The following SYN2 variants were observed in gnomAD, a reference collection of about 807,000 sequenced individuals.
The protein encoded by SYN2 is synapsin-2.
A neutral mutation model predicts 50.9 loss-of-function variants in SYN2; 19 were observed. The ratio of observed to expected loss-of-function variants is 0.37; its 90% CI spans 0.26 to 0.55. The LOEUF (loss-of-function observed/expected upper bound fraction) is 0.55, where lower values mean the gene tolerates loss of function less well. Among genes scored for constraint, SYN2 ranks in the 20% least tolerant of loss-of-function variants. SYN2 has a pLI of 0.81. For synonymous variants in SYN2, 255 were observed against 224.9 expected, an observed-to-expected ratio of 1.13 and a Z score of -1.20; for missense variants, 587 against 576.4, an observed-to-expected ratio of 1.02 and a Z score of -0.19.
At chr3:12,159,474 G>A (rs1697578909) in intron 5 of SYN2, 1 of 152,404 alleles carries the variant, frequency 6.6e-6, no homozygotes, top group Non-Finnish European at 1.5e-5. Context: ...AGAGAAAGTT[G>A]GGGTGTGTGT....
Position 12,190,635 on chromosome 3 carries a change from C to G in SYN2, c.*10C>G. On this transcript the variant is annotated 3_prime_UTR_variant, in exon 13 of 13. Transcript: ENST00000621198. ...CCTCTTTTCAGATTAGCTCTTCAGA[C>G]ACACGGGGCACCCAGCCCAACCGGG... 9 of 1,608,868 alleles carry G rather than the reference C, an allele frequency of 5.6e-6. No individual in the cohort carries two copies. The highest frequency in any genetic ancestry group is 6.8e-6 in the Non-Finnish European group (8 of 1,177,898).
chr3:12,107,093 A>G (rs1696208895), intron 1 of SYN2, among the ~76,000 whole-genome samples: 1 of 152,006 alleles, frequency 6.6e-6, no homozygotes, highest in African/African-American at 2.4e-5. Context: ...CTGTGCTGCT[A>G]TTTCCTATAC....
At chr3:12,116,997 TG>T (rs1463055634) in intron 1 of SYN2, among the ~76,000 whole-genome samples, 7 of 152,266 alleles carry the variant, frequency 4.6e-5, no homozygotes, top group Admixed American at 4.6e-4. Context: ...GCAATCTTCC[TG>T]CCTTAGCCTT....
At chr3:12,023,274 A>AT (rs1327051228) in intron 1 of SYN2, among the ~76,000 whole-genome samples, 1 of 151,948 alleles carries the variant, frequency 6.6e-6, no homozygotes, top group Non-Finnish European at 1.5e-5. Flanking sequence ...TCTTTTTATT[A>AT]TTTTTTCAGG....
At chr3:12,146,330 C>G (rs1204155548) in intron 4 of SYN2, among the ~76,000 whole-genome samples, 2 of 152,186 alleles carry the variant, frequency 1.3e-5, no homozygotes, top group African/African-American at 4.8e-5. Context: ...TGAAATTTAT[C>G]CTCATGCATG....
intron 1 of SYN2, among the ~76,000 whole-genome samples, chr3:12,114,537 CTA>C (rs35814004): frequency 0.049 from 7,514 of 152,052 alleles, 204 homozygotes; most frequent in Non-Finnish European, 0.066. Context: ...AGATTTATCT[CTA>C]TGTTTTCTTC....
intron 1 of SYN2, among the ~76,000 whole-genome samples, chr3:12,007,548 G>T (rs1160142501): frequency 6.6e-6 from 1 of 152,152 alleles, no homozygotes; most frequent in Non-Finnish European, 1.5e-5. Flanking sequence ...TTGTCTCACA[G>T]TTTAAGCTAC....
At chr3:12,041,592 G>C (rs559706643) in intron 1 of SYN2, among the ~76,000 whole-genome samples, 1 of 152,310 alleles carries the variant, frequency 6.6e-6, no homozygotes, top group East Asian at 1.9e-4. Context: ...AACCAGTGAA[G>C]ATGAGCATGT....
chr3:12,184,587 C>T (rs1183430434), intron 11 of SYN2: 2 of 985,798 alleles, frequency 2.0e-6, no homozygotes, highest in Non-Finnish European at 2.4e-6. Flanking sequence ...TACCACAGCC[C>T]TCCAGGGTCC....
chr3:12,150,163 T>C (rs965350759), intron 4 of SYN2, among the ~76,000 whole-genome samples: 3 of 152,226 alleles, frequency 2.0e-5, no homozygotes, highest in Non-Finnish European at 4.4e-5. Context: ...CTCTGATAAA[T>C]AGATTTCATC....
At chr3:12,175,524 T>A (rs1698044475) in intron 10 of SYN2, among the ~76,000 whole-genome samples, 1 of 152,232 alleles carries the variant, frequency 6.6e-6, no homozygotes, top group Non-Finnish European at 1.5e-5. Flanking sequence ...GCTTCTGGTC[T>A]GAGTCATAAG....
chr3:12,046,749 T>C (rs1694748645), intron 1 of SYN2, among the ~76,000 whole-genome samples: 1 of 152,150 alleles, frequency 6.6e-6, no homozygotes, highest in South Asian at 2.1e-4. Flanking sequence ...AAGAAATATT[T>C]AATAGATCAT....
chr3:12,191,561 T>C lies in SYN2; in HGVS notation c.*936T>C, dbSNP rs1398281597. Reference sequence around the variant, plus strand: ...GTCAGTTTGTGTGTGTGACTGCAGGTGTACATGTGTTTGCAAGTGTTTGAG... The same window carrying C: ...GTCAGTTTGTGTGTGTGACTGCAGGCGTACATGTGTTTGCAAGTGTTTGAG... On this transcript the variant is annotated 3_prime_UTR_variant, in exon 13 of 13. Coordinates refer to ENST00000621198, the MANE Select transcript of SYN2 (RefSeq NM_133625.6). 1.3e-5 allele frequency among the ~76,000 whole-genome samples: 2 copies of C among 152,002 alleles called. No individual in the cohort carries two copies. The highest frequency in any genetic ancestry group is 6.6e-5 in the Admixed American group (1 of 15,264).
intron 1 of SYN2, among the ~76,000 whole-genome samples, chr3:12,101,944 A>C (rs570698488): frequency 2.6e-5 from 4 of 152,284 alleles, no homozygotes; most frequent in African/African-American, 9.6e-5. Context: ...TTAGCCTAGC[A>C]ACTAGTTGTT....
chr3:12,169,949 C>T, intron 10 of SYN2, 43 bp downstream of exon 10: 2 of 1,559,358 alleles, frequency 1.3e-6, no homozygotes, highest in Non-Finnish European at 1.7e-6. Flanking sequence ...AGAACCATTC[C>T]CAAGCCCACT....
rs59286785 is a variant in SYN2, at chr3:12,057,287, C to CTGTGTGTGTGTGTGTGTG, written c.377+52379_377+52396dup. On this transcript the variant is annotated intron_variant, in intron 1 of 12. Coordinates refer to ENST00000621198, the MANE Select transcript of SYN2 (RefSeq NM_133625.6). Reference sequence around the variant, plus strand: ...AACCTGGGCGACAAGGCAAGACTGTCTGTGTGTGTGTGTGTGTGTGTGTGT... The same window carrying CTGTGTGTGTGTGTGTGTG: ...AACCTGGGCGACAAGGCAAGACTGTCTGTGTGTGTGTGTGTGTGTGTGTGTGTGTGTGTGTGTGTGTGT... Among the ~76,000 whole-genome samples, 346 of 133,978 alleles carry CTGTGTGTGTGTGTGTGTG rather than the reference C, an allele frequency of 2.6e-3. 4 individuals carry two copies. Among genetic ancestry groups the CTGTGTGTGTGTGTGTGTG allele is most frequent in the African/African-American group, 8.7e-3 (315 of 36,196 alleles). 87.9% of individuals were successfully genotyped at this position (133,978 alleles called of 152,430 possible).
intron 1 of SYN2, among the ~76,000 whole-genome samples, chr3:12,050,711 CTTTTTTTTTTTTTT>C (rs57099569): frequency 9.5e-4 from 48 of 50,560 alleles, no homozygotes; most frequent in East Asian, 2.9e-3. Flanking sequence ...CTTCTCTTCT[CTTTTTTTTTTTTTT>C]TTTTTTTTTT....
intron 1 of SYN2, among the ~76,000 whole-genome samples, chr3:12,037,787 G>T (rs2618396): frequency 0.64 from 97,623 of 152,096 alleles, 33,859 homozygotes; most frequent in South Asian, 0.78. Context: ...AGAACTTTGG[G>T]GGACACACTC....
intron 1 of SYN2, among the ~76,000 whole-genome samples, chr3:12,008,489 C>G (rs778344105): frequency 6.6e-6 from 1 of 152,174 alleles, no homozygotes; most frequent in Admixed American, 6.5e-5. Flanking sequence ...GCATTTTGAA[C>G]TGCAGAATCT....
Sources: gnomAD v4.1 joint callset for allele counts (sites outside exome capture counted in the v4.1 genomes callset) on GRCh38, gnomAD v4.1.1 for gene constraint, MANE v1.5 for transcripts, NCBI Gene and HGNC (gene_info 2026-07-23, HGNC 2026-07-21) for gene names.